NFKB1: variants seen among roughly 807,000 people sequenced by gnomAD.
NFKB1 encodes nuclear factor NF-kappa-B p105 subunit.
In NFKB1, 9 loss-of-function variants were observed where a neutral mutation model predicts 105.1. That is an observed-to-expected ratio of 0.09 (90% CI 0.05 to 0.15). The LOEUF (loss-of-function observed/expected upper bound fraction) is 0.15, where lower values mean the gene tolerates loss of function less well. Ranked by LOEUF, NFKB1 falls within the 10% of genes least tolerant of loss-of-function variation. The pLI, the probability that NFKB1 is intolerant of heterozygous loss-of-function variation, is 1.00. For missense variants in NFKB1, 830 were observed against 1,203.7 expected, an observed-to-expected ratio of 0.69 and a Z score of 4.59; for synonymous variants, 440 against 442.2, an observed-to-expected ratio of 1.00 and a Z score of 0.06.
At position 102,612,895 on chromosome 4, in the gene NFKB1, A is replaced by T. The variant is rs181809251; in HGVS notation, c.2592+289A>T. The stretch of plus-strand genomic sequence containing the variant: ...GAACTTTAACGGCCCTGAGCAAACA[A>T]TCGACTGTAATCAACGTGTAGCTTC... On this transcript the variant is annotated intron_variant, in intron 22 of 23. Coordinates refer to ENST00000226574, the MANE Select transcript of NFKB1 (RefSeq NM_003998.4). Among the ~76,000 whole-genome samples the T allele has an allele frequency of 5.0e-4, 76 of 151,862 alleles. 1 individual carries two copies. The highest frequency in any genetic ancestry group is 1.8e-3 in the African/African-American group (76 of 41,344).
In NFKB1 at chr4:102,552,154, A is replaced by G. The variant is rs146692941; in HGVS notation, c.258+14198A>G. ...ACAGTGTAGTACTGCTGGGCACCAC[A>G]TTTGTAGAGAAATAGAAACCAACTT... On this transcript the variant is annotated intron_variant, in intron 5 of 23. Transcript: ENST00000226574. 1.9e-3 allele frequency among the ~76,000 whole-genome samples: 290 copies of G among 152,316 alleles called. 4 individuals carry two copies. Among genetic ancestry groups the G allele is most frequent in the Non-Finnish European group, 3.6e-3 (247 of 68,016 alleles).
chr4:102,611,911 C>T (rs1490560709), intron 20 of NFKB1, 133 bp from the exon 21 acceptor site: 2 of 674,596 alleles, frequency 3.0e-6, no homozygotes, highest in African/African-American at 3.6e-5. Flanking sequence ...CCTGATTCCT[C>T]TTGCCATTCC....
At chr4:102,553,294 C>G (rs1722755689) in intron 5 of NFKB1, among the ~76,000 whole-genome samples, 2 of 151,922 alleles carry the variant, frequency 1.3e-5, no homozygotes, top group Non-Finnish European at 2.9e-5. Context: ...AATAGATTTT[C>G]TAAGCAAGAA....
At chr4:102,604,288 T>C (rs76388700) in intron 16 of NFKB1, among the ~76,000 whole-genome samples, 44 of 152,278 alleles carry the variant, frequency 2.9e-4, no homozygotes, top group Non-Finnish European at 4.7e-4. Context: ...ACCTTTAAAA[T>C]TTTTTTAATT....
chr4:102,607,073 A>G, intron 17 of NFKB1, 77 bp from the exon 18 acceptor site: 1 of 1,484,084 alleles, frequency 6.7e-7, no homozygotes, highest in Non-Finnish European at 9.4e-7. Context: ...AGTTTTTGCC[A>G]TTTCCTTCAG....
chr4:102,569,321 T>C (rs1008405765), intron 6 of NFKB1, among the ~76,000 whole-genome samples: 1 of 152,142 alleles, frequency 6.6e-6, no homozygotes, highest in African/African-American at 2.4e-5. Context: ...CCTCATAAAA[T>C]GAGAGAGTTT....
chr4:102,520,596 A>C (rs1018726719), intron 1 of NFKB1, among the ~76,000 whole-genome samples: 1 of 152,224 alleles, frequency 6.6e-6, no homozygotes, highest in African/African-American at 2.4e-5. Flanking sequence ...GAGGAGCTTT[A>C]AAACATGGAA....
At chr4:102,616,360 T>G (rs1578844348) in intron 23 of NFKB1, 74 bp from the exon 24 acceptor site, 2 of 1,527,736 alleles carry the variant, frequency 1.3e-6, no homozygotes, top group Non-Finnish European at 8.9e-7. Flanking sequence ...TGGGCAAGAG[T>G]TGTCCACAGA....
At chr4:102,521,608 G>A (rs1014853385) in intron 1 of NFKB1, among the ~76,000 whole-genome samples, 13 of 152,148 alleles carry the variant, frequency 8.5e-5, no homozygotes, top group African/African-American at 3.1e-4. Flanking sequence ...AGTGGGTCAT[G>A]GTCAAAAGTG....
At chr4:102,562,254 A>G (rs1032041346) in intron 5 of NFKB1, among the ~76,000 whole-genome samples, 1 of 151,806 alleles carries the variant, frequency 6.6e-6, no homozygotes, top group South Asian at 2.1e-4. Flanking sequence ...CACCCTCAGT[A>G]CTCCCTCAGG....
At position 102,523,788 on chromosome 4, in the gene NFKB1, C is replaced by T. The variant is rs530099219; in HGVS notation, c.-7-1724C>T. 6.6e-5 allele frequency among the ~76,000 whole-genome samples: 10 copies of T among 152,220 alleles called. 1 individual carries two copies. Among genetic ancestry groups the T allele is most frequent in the African/African-American group, 2.4e-4 (10 of 41,520 alleles). On this transcript the variant is annotated intron_variant, in intron 1 of 23. Coordinates refer to ENST00000226574, the MANE Select transcript of NFKB1 (RefSeq NM_003998.4). Reference sequence around the variant, plus strand: ...CATGTCTGAGTTTTTATGGAGGAAGCATGTCAAGGGCCTTAAGCCCAGACC... The same window carrying T: ...CATGTCTGAGTTTTTATGGAGGAAGTATGTCAAGGGCCTTAAGCCCAGACC...
intron 12 of NFKB1, among the ~76,000 whole-genome samples, chr4:102,594,242 C>T (rs1726417197): frequency 6.6e-6 from 1 of 152,172 alleles, no homozygotes; most frequent in Non-Finnish European, 1.5e-5. Context: ...TGACTCATTT[C>T]CTCAAGTGAA....
At chr4:102,544,043 G>A (rs769611393) in intron 5 of NFKB1, among the ~76,000 whole-genome samples, 3 of 150,146 alleles carry the variant, frequency 2.0e-5, no homozygotes, top group Non-Finnish European at 4.4e-5. Flanking sequence ...GTAACCTGGG[G>A]TCTATGGATC....
intron 16 of NFKB1, 69 bp downstream of exon 16, chr4:102,601,078 G>A: frequency 1.0e-6 from 1 of 965,672 alleles, no homozygotes; most frequent in South Asian, 1.5e-5. Context: ...GTTATGTTTG[G>A]GTGCATGTTA....
intron 1 of NFKB1, among the ~76,000 whole-genome samples, chr4:102,503,029 TAAAAC>T (rs1739190638): frequency 6.6e-6 from 1 of 152,220 alleles, no homozygotes; most frequent in Non-Finnish European, 1.5e-5. Context: ...AAGGGAAACT[TAAAAC>T]TAAAGTATGT....
chr4:102,615,255 T>A (rs943732384), intron 23 of NFKB1, among the ~76,000 whole-genome samples: 2 of 152,256 alleles, frequency 1.3e-5, no homozygotes, highest in African/African-American at 4.8e-5. Context: ...GTGTCCCTGC[T>A]TTACTCGTTT....
intron 5 of NFKB1, among the ~76,000 whole-genome samples, chr4:102,542,359 C>A (rs1172055570): frequency 6.6e-6 from 1 of 152,050 alleles, no homozygotes; most frequent in Non-Finnish European, 1.5e-5. Flanking sequence ...TGCAAGTCTT[C>A]ATGCTCTTTT....
rs184068347 is a variant in NFKB1, at chr4:102,538,301, A to G, written c.258+345A>G. Among the ~76,000 whole-genome samples the G allele has an allele frequency of 4.0e-3, 605 of 152,262 alleles. 1 individual carries two copies. The highest frequency in any genetic ancestry group is 0.014 in the African/African-American group (568 of 41,546). ...TGACTCTTTGGAGATTTAGTGAAAAACCAAACAAGTGACTGAGTGTATGGA... is the reference window on the plus strand; with the variant it reads ...TGACTCTTTGGAGATTTAGTGAAAAGCCAAACAAGTGACTGAGTGTATGGA... On this transcript the variant is annotated intron_variant, in intron 5 of 23. Coordinates refer to ENST00000226574, the MANE Select transcript of NFKB1 (RefSeq NM_003998.4).
At chr4:102,556,811 G>A (rs1050517666) in intron 5 of NFKB1, among the ~76,000 whole-genome samples, 8 of 152,122 alleles carry the variant, frequency 5.3e-5, no homozygotes, top group Non-Finnish European at 1.0e-4. Context: ...TGAAAGAATC[G>A]TTCAGTATTT....
Sources: allele counts gnomAD v4.1 joint callset (sites outside exome capture counted in the v4.1 genomes callset), GRCh38; gene constraint gnomAD v4.1.1; transcripts MANE v1.5; gene names NCBI Gene and HGNC (gene_info 2026-07-23, HGNC 2026-07-21).